Variants in EPS8 observed in about 807,000 individuals in gnomAD.
EPS8 encodes the protein epidermal growth factor receptor kinase substrate 8.
Under a neutral mutation model 103.8 loss-of-function variants are expected in EPS8, and 42 were observed. The ratio of observed to expected loss-of-function variants is 0.40; its 90% CI spans 0.32 to 0.52. The LOEUF (loss-of-function observed/expected upper bound fraction) is 0.52, where lower values mean the gene tolerates loss of function less well. Among genes scored for constraint, EPS8 ranks in the 20% least tolerant of loss-of-function variants. The pLI, the probability that EPS8 is intolerant of heterozygous loss-of-function variation, is 0.40. For missense variants in EPS8, 969 were observed against 1,005.1 expected (o/e 0.96, Z 0.49); for synonymous variants, 344 against 344.6 (o/e 1.00, Z 0.02).
At position 15,735,794 on chromosome 12, in the gene EPS8, A is replaced by T. The variant is rs1248385373; in HGVS notation, c.-21-52822T>A. On this transcript the variant is annotated intron_variant, in intron 1 of 20. Transcript: ENST00000281172. The surrounding 1 kb of genome is among the most constrained non-coding windows in gnomAD (Gnocchi z 4.4). ...TAAAATATATGTTGAATATGTATCT[A>T]TCAATTAAATATTTAAACAATCCAT... is the stretch of plus-strand genomic sequence containing the variant. 6.6e-6 allele frequency among the ~76,000 whole-genome samples: 1 copy of T among 152,220 alleles called. No individual in the cohort carries two copies. The highest frequency in any genetic ancestry group is 1.5e-5 in the Non-Finnish European group (1 of 68,046).
chr12:15,744,111 T>C (rs912928838), intron 1 of EPS8, among the ~76,000 whole-genome samples: 1 of 151,798 alleles, frequency 6.6e-6, no homozygotes, highest in Non-Finnish European at 1.5e-5. Flanking sequence ...GGATATGAAC[T>C]GACACTTCTC....
Position 15,735,964 on chromosome 12 carries a change from C to A in EPS8, c.-21-52992G>T, listed in dbSNP as rs1946763338. 1.3e-5 allele frequency among the ~76,000 whole-genome samples: 2 copies of A among 152,160 alleles called. No individual in the cohort carries two copies. The highest frequency in any genetic ancestry group is 2.4e-5 in the African/African-American group (1 of 41,430). ...ACAGTGTCATTATCATAGCTCACTG[C>A]AGCCTCAACCTCCTGGGCTCAAGCA... On this transcript the variant is annotated intron_variant, in intron 1 of 20. Transcript: ENST00000281172. This position sits in a 1 kb window ranked among gnomAD's most constrained non-coding sequence, Gnocchi z 4.4.
In EPS8 at chr12:15,735,522, A is replaced by G. The variant is rs373955106; in HGVS notation, c.-21-52550T>C. 2.6e-3 allele frequency among the ~76,000 whole-genome samples: 392 copies of G among 152,338 alleles called. 5 individuals carry two copies. The highest frequency in any genetic ancestry group is 8.8e-3 in the African/African-American group (367 of 41,582). On this transcript the variant is annotated intron_variant, in intron 1 of 20. Transcript: ENST00000281172. This position sits in a 1 kb window ranked among gnomAD's most constrained non-coding sequence, Gnocchi z 4.4. Reference sequence around the variant, plus strand: ...AAGCTAACATTCTAAGATTAAAACTATGATTTGAATCCATGTCTAATCCTA... The same window carrying G: ...AAGCTAACATTCTAAGATTAAAACTGTGATTTGAATCCATGTCTAATCCTA...
rs535874938 is a variant in EPS8, at chr12:15,785,899, A to G, written c.-22+3262T>C. Among the ~76,000 whole-genome samples the G allele has an allele frequency of 6.6e-6, 1 of 151,960 alleles. No individual in the cohort carries two copies. The highest frequency in any genetic ancestry group is 2.1e-4 in the South Asian group (1 of 4,826). ...ATTATAACCCAAAATATTTAGATAG[A>G]TAGATAGATTTTATATTTATATAAT... On this transcript the variant is annotated intron_variant, in intron 1 of 20. Coordinates refer to ENST00000281172, the MANE Select transcript of EPS8 (RefSeq NM_004447.6). The surrounding 1 kb of genome is among the most constrained non-coding windows in gnomAD (Gnocchi z 4.9).
At chr12:15,622,367 G>A (rs1040009637) in intron 20 of EPS8, among the ~76,000 whole-genome samples, 1 of 152,030 alleles carries the variant, frequency 6.6e-6, no homozygotes, top group African/African-American at 2.4e-5. Context: ...ATGGCTACGG[G>A]GTGATACGCA....
intron 1 of EPS8, among the ~76,000 whole-genome samples, chr12:15,685,132 G>A (rs772174088): frequency 7.2e-5 from 11 of 152,246 alleles, no homozygotes; most frequent in South Asian, 4.1e-4. Context: ...TCATTGCTAC[G>A]TTCTATAATT....
chr12:15,689,026 C>A (rs1207020350), intron 1 of EPS8, among the ~76,000 whole-genome samples: 2 of 152,158 alleles, frequency 1.3e-5, no homozygotes, highest in Admixed American at 6.5e-5. Context: ...CAAGCCACAC[C>A]GACATTGCAT....
rs1269896977 is a variant in EPS8, at chr12:15,721,468, C to G, written c.-21-38496G>C. Among the ~76,000 whole-genome samples the G allele has an allele frequency of 6.6e-6, 1 of 152,220 alleles. No homozygotes were observed. The highest frequency in any genetic ancestry group is 1.5e-5 in the Non-Finnish European group (1 of 68,002). On this transcript the variant is annotated intron_variant, in intron 1 of 20. Coordinates refer to ENST00000281172, the MANE Select transcript of EPS8 (RefSeq NM_004447.6). This position sits in a 1 kb window ranked among gnomAD's most constrained non-coding sequence, Gnocchi z 4.4. ...AGCTAAAAGAACGAGGTTTGTGGGG[C>G]TCAACAAAAAAGTAATCGTCTGGAA...
At position 15,684,773 on chromosome 12, in the gene EPS8, T is replaced by A. The variant is rs778029356; in HGVS notation, c.-21-1801A>T. The stretch of plus-strand genomic sequence containing the variant: ...TGGCCCTCAAAACACTGGACTTTAA[T>A]TTAAGCTTTCCTATCCACTGCTTAA... On this transcript the variant is annotated intron_variant, in intron 1 of 20. Coordinates refer to ENST00000281172, the MANE Select transcript of EPS8 (RefSeq NM_004447.6). This position sits in a 1 kb window ranked among gnomAD's most constrained non-coding sequence, Gnocchi z 4.9. Among the ~76,000 whole-genome samples the A allele has an allele frequency of 2.6e-5, 4 of 152,220 alleles. No homozygotes were observed. Among genetic ancestry groups the A allele is most frequent in the Non-Finnish European group, 5.9e-5 (4 of 68,034 alleles).
rs149250921 is a variant in EPS8 at position 15,623,237 on chromosome 12, T to C, written c.2276A>G (p.Asn759Ser). ...GCAGACTGTCCTCAGTTCATCCTTA[T>C]TGAGAGAGAAAAGTTGTGCACCATT... The part of the protein sequence containing the change: ...VLNGAQLFSL[N>S]KDELRTVCPE... The change falls in exon 20 of 21, where the codon AAT (asparagine) becomes AGT (serine). Residue 759 changes from asparagine to serine, a missense_variant. Transcript: ENST00000281172. The C allele has an allele frequency of 9.3e-6, 15 of 1,613,164 alleles. No individual in the cohort carries two copies. The highest frequency in any genetic ancestry group is 2.2e-5 in the East Asian group (1 of 44,866).
At chr12:15,786,362 A>T (rs1947310609) in intron 1 of EPS8, among the ~76,000 whole-genome samples, 1 of 152,070 alleles carries the variant, frequency 6.6e-6, no homozygotes, top group Non-Finnish European at 1.5e-5. Context: ...CTCCTCAAAC[A>T]TCATCAAAAA....
chr12:15,682,790 G>C (rs1946030893), intron 2 of EPS8, 103 bp downstream of exon 2: 1 of 666,604 alleles, frequency 1.5e-6, no homozygotes, highest in Non-Finnish European at 2.6e-6. Flanking sequence ...ATGAACTACT[G>C]AACTACACAA....
chr12:15,624,230 G>A lies in EPS8; in HGVS notation c.2222C>T (p.Pro741Leu). 1 of 1,612,554 alleles carries A rather than the reference G, an allele frequency of 6.2e-7. No homozygotes were observed. The highest frequency in any genetic ancestry group is 8.5e-7 in the Non-Finnish European group (1 of 1,179,234). ...KTWLQSKGFN[P>L]VTVNSLGVLN... The stretch of plus-strand genomic sequence containing the variant: ...AAGTATTCACAGAGAGACTCACACA[G>A]GGTTGAATCCCTTTGACTGTAACCA... Residue 741 changes from proline to leucine, a missense_variant, in exon 19 of 21, where the codon CCT (proline) becomes CTT (leucine). Transcript: ENST00000281172.
rs1463604459 is a variant in EPS8 at position 15,749,812 on chromosome 12, ATTAGTTG to A, written c.-22+39342_-22+39348del. Among the ~76,000 whole-genome samples the A allele has an allele frequency of 6.6e-6, 1 of 152,192 alleles. No individual in the cohort carries two copies. The highest frequency in any genetic ancestry group is 1.9e-4 in the East Asian group (1 of 5,206). ...TGTTTTCTAACATTAGTTAGGGAAT[ATTAGTTG>A]TGCTTCCACACACCAGTAAGCCCAA... On this transcript the variant is annotated intron_variant, in intron 1 of 20. Coordinates refer to ENST00000281172, the MANE Select transcript of EPS8 (RefSeq NM_004447.6). The surrounding 1 kb of genome is among the most constrained non-coding windows in gnomAD (Gnocchi z 4.0).
intron 1 of EPS8, among the ~76,000 whole-genome samples, chr12:15,694,466 T>A (rs1375890421): frequency 2.6e-5 from 4 of 152,218 alleles, no homozygotes; most frequent in African/African-American, 9.6e-5. Flanking sequence ...CACGAAAAGC[T>A]CTTGCTTTAA....
Position 15,688,809 on chromosome 12 carries a change from G to C in EPS8, c.-21-5837C>G, listed in dbSNP as rs996184051. On this transcript the variant is annotated intron_variant, in intron 1 of 20. Coordinates refer to ENST00000281172, the MANE Select transcript of EPS8 (RefSeq NM_004447.6). This position sits in a 1 kb window ranked among gnomAD's most constrained non-coding sequence, Gnocchi z 5.1. Reference sequence around the variant, plus strand: ...AACCCCAGGATACAGAAAACCCCCTGTCCTTGCAATAAGGTAGAGGATCTA... The same window carrying C: ...AACCCCAGGATACAGAAAACCCCCTCTCCTTGCAATAAGGTAGAGGATCTA... Among the ~76,000 whole-genome samples the C allele has an allele frequency of 1.3e-5, 2 of 152,102 alleles. No homozygotes were observed. The highest frequency in any genetic ancestry group is 4.8e-5 in the African/African-American group (2 of 41,438).
At chr12:15,691,295 C>G (rs1203446523) in intron 1 of EPS8, among the ~76,000 whole-genome samples, 1 of 151,534 alleles carries the variant, frequency 6.6e-6, no homozygotes, top group Admixed American at 6.6e-5. Context: ...AATCCCAACA[C>G]TTTGGGAAGT....
intron 1 of EPS8, among the ~76,000 whole-genome samples, chr12:15,750,805 G>C (rs1482195808): frequency 6.6e-6 from 1 of 152,114 alleles, no homozygotes; most frequent in Non-Finnish European, 1.5e-5. Flanking sequence ...AATTTTTAAA[G>C]ACCATGTTTT....
chr12:15,631,816 C>G, intron 17 of EPS8, 152 bp from the exon 18 acceptor site: 1 of 594,896 alleles, frequency 1.7e-6, no homozygotes, highest in East Asian at 2.9e-5. Flanking sequence ...GGTATAATGA[C>G]CATTAAAAAT....
Sources: allele counts gnomAD v4.1 joint callset (sites outside exome capture counted in the v4.1 genomes callset), GRCh38; gene constraint gnomAD v4.1.1; non-coding constraint Gnocchi (gnomAD v3.1); transcripts MANE v1.5; gene names NCBI Gene and HGNC (gene_info 2026-07-23, HGNC 2026-07-21).